Variants in ZSCAN25 observed in about 807,000 individuals in gnomAD.
ZSCAN25 encodes the protein zinc finger and SCAN domain-containing protein 25.
In ZSCAN25, 27 loss-of-function variants were observed where a neutral mutation model predicts 38.7. That is an observed-to-expected ratio of 0.70 (90% CI 0.51 to 0.96). ZSCAN25 has a LOEUF of 0.96. Among genes scored for constraint, ZSCAN25 ranks in the 40% least tolerant of loss-of-function variants. The pLI is 0.00. For synonymous variants in ZSCAN25, 273 were observed against 277.7 expected (o/e 0.98, Z 0.17); for missense variants, 637 against 705.9 (o/e 0.90, Z 1.11).
the ZSCAN25 span, among the ~76,000 whole-genome samples, chr7:99,646,462 A>G: frequency 1.3e-5 from 2 of 152,146 alleles, no homozygotes; most frequent in Non-Finnish European, 2.9e-5. Flanking sequence ...AATTTACTGA[A>G]TTTGTTTATC....
chr7:99,716,579 G>C, the ZSCAN25 span, among the ~76,000 whole-genome samples: 1 of 152,138 alleles, frequency 6.6e-6, no homozygotes, highest in Non-Finnish European at 1.5e-5. Context: ...CATATCCCCT[G>C]TCTGCCCAGG....
the ZSCAN25 span, among the ~76,000 whole-genome samples, chr7:99,686,532 C>T: frequency 6.6e-6 from 1 of 152,216 alleles, no homozygotes; most frequent in African/African-American, 2.4e-5. Flanking sequence ...TGGAGCCCAC[C>T]ACGGCTCAAG....
rs756750654 is a variant in ZSCAN25 at position 99,629,977 on chromosome 7, G to A, written c.1592G>A (p.Arg531Gln). 10 of 1,601,370 alleles carry A rather than the reference G, an allele frequency of 6.2e-6. No individual in the cohort carries two copies. Among genetic ancestry groups the A allele is most frequent in the East Asian group, 2.3e-5 (1 of 44,358 alleles). Residue 531 changes from arginine to glutamine, a missense_variant, in exon 8 of 8, where the codon CGG becomes CAG. Coordinates refer to ENST00000394152, the MANE Select transcript of ZSCAN25 (RefSeq NM_145115.3). This position sits in a 1 kb window ranked among gnomAD's most constrained non-coding sequence, Gnocchi z 5.6. ...TTCAACCAGAGGTCCATCCTCAACC[G>A]GCACCAGAAGACCCAGCACCGCCAG... ...RSFNQRSILN[R>Q]HQKTQHRQEP...
At chr7:99,722,245 A>T in the ZSCAN25 span, 1 of 1,610,242 alleles carries the variant, frequency 6.2e-7, no homozygotes, top group African/African-American at 1.3e-5. Flanking sequence ...GCAGTGGGGT[A>T]AACTCATCAT....
chr7:99,630,488 C>G lies in ZSCAN25; in HGVS notation c.*468C>G. On this transcript the variant is annotated 3_prime_UTR_variant, in exon 8 of 8. Transcript: ENST00000394152. ...TCTGAGCACCTGGCCGTGGGAATGC[C>G]GTGGTGAATGAGAGACTAGACGTGA... The G allele has an allele frequency of 3.0e-6, 3 of 996,468 alleles. No individual in the cohort carries two copies. The highest frequency in any genetic ancestry group is 1.7e-5 in the African/African-American group (1 of 57,466). The allele number at this position is 996,468 out of a possible 1,614,324, so 61.7% of individuals were successfully genotyped here.
At chr7:99,680,899 T>G in the ZSCAN25 span, among the ~76,000 whole-genome samples, 4,506 of 152,276 alleles carry the variant, frequency 0.03, 213 homozygotes, top group African/African-American at 0.1. Flanking sequence ...ACCCAACCAG[T>G]TTGTGCCTCT....
the ZSCAN25 span, among the ~76,000 whole-genome samples, chr7:99,639,094 G>A: frequency 6.6e-6 from 1 of 152,228 alleles, no homozygotes; most frequent in Non-Finnish European, 1.5e-5. Context: ...GATGCCAGTA[G>A]CACCTGCCGG....
the ZSCAN25 span, chr7:99,685,065 A>G: frequency 1.8e-6 from 2 of 1,110,822 alleles, no homozygotes; most frequent in Non-Finnish European, 2.7e-6. Flanking sequence ...GGTACTATTC[A>G]CAAAGTAATT....
At chr7:99,662,926 G>GT in the ZSCAN25 span, 1 of 1,610,326 alleles carries the variant, frequency 6.2e-7, no homozygotes, top group Non-Finnish European at 8.5e-7. The surrounding 1 kb of genome is among the most constrained non-coding windows in gnomAD (Gnocchi z 4.3). Flanking sequence ...AGTGACTCGT[G>GT]AAGTCAGAAG....
chr7:99,639,392 A>T, the ZSCAN25 span, among the ~76,000 whole-genome samples: 1 of 152,148 alleles, frequency 6.6e-6, no homozygotes, highest in Non-Finnish European at 1.5e-5. Context: ...CAGAGTCAAG[A>T]GCTGTTGAAG....
chr7:99,669,029 T>C, the ZSCAN25 span, among the ~76,000 whole-genome samples: 4 of 152,374 alleles, frequency 2.6e-5, no homozygotes, highest in Non-Finnish European at 5.9e-5. Flanking sequence ...TCTATTTTCC[T>C]ATCTGTTAAT....
the ZSCAN25 span, chr7:99,677,164 T>C: frequency 1.0e-6 from 1 of 985,306 alleles, no homozygotes; most frequent in African/African-American, 1.7e-5. Flanking sequence ...TCATGAGTCA[T>C]GTGCAAACTC....
chr7:99,645,565 CCCA>C, the ZSCAN25 span, among the ~76,000 whole-genome samples: 10 of 152,080 alleles, frequency 6.6e-5, no homozygotes, highest in Non-Finnish European at 1.5e-4. Context: ...AATTCACACT[CCCA>C]CCGACAGTGT....
At chr7:99,628,106 G>A (rs1301093220) in intron 7 of ZSCAN25, among the ~76,000 whole-genome samples, 2 of 151,998 alleles carry the variant, frequency 1.3e-5, no homozygotes, top group African/African-American at 4.8e-5. Flanking sequence ...GAAAAAAAGG[G>A]TAACGTGACA....
chr7:99,734,971 T>A, the ZSCAN25 span: 5 of 1,612,782 alleles, frequency 3.1e-6, no homozygotes, highest in Non-Finnish European at 4.2e-6. Flanking sequence ...GAGGCCTGAT[T>A]AGCACCCCAA....
chr7:99,676,302 G>C, the ZSCAN25 span: 3 of 1,591,748 alleles, frequency 1.9e-6, no homozygotes, highest in Non-Finnish European at 2.6e-6. Flanking sequence ...GTCAAGAGAG[G>C]GAGGTAATAT....
the ZSCAN25 span, among the ~76,000 whole-genome samples, chr7:99,638,999 C>A: frequency 1.3e-5 from 2 of 152,258 alleles, no homozygotes; most frequent in Non-Finnish European, 2.9e-5. Flanking sequence ...CTGGGAGCCG[C>A]CGTCCTGCTG....
At chr7:99,671,118 TG>T in the ZSCAN25 span, 1 of 4,140 alleles carries the variant, frequency 2.4e-4, no homozygotes, top group Non-Finnish European at 3.8e-4. Context: ...ACAGACCATT[TG>T]TGTGTGTGTG....
chr7:99,695,735 A>G, the ZSCAN25 span: 68,117 of 1,611,392 alleles, frequency 0.042, 4,797 homozygotes, highest in East Asian at 0.24. Flanking sequence ...AGTGAGCTCA[A>G]AAACACTCAC....
Sources: gnomAD v4.1 joint callset for allele counts (sites outside exome capture counted in the v4.1 genomes callset) on GRCh38, gnomAD v4.1.1 for gene constraint, Gnocchi (gnomAD v3.1) non-coding constraint, MANE v1.5 for transcripts, NCBI Gene and HGNC (gene_info 2026-07-23, HGNC 2026-07-21) for gene names.